Variants in PTPRD observed in about 807,000 individuals in gnomAD.
PTPRD encodes the protein protein tyrosine phosphatase receptor type D.
In PTPRD, 34 loss-of-function variants were observed where a neutral mutation model predicts 214.5. That is an observed-to-expected ratio of 0.16 (90% CI 0.12 to 0.21). PTPRD has a LOEUF of 0.21. Among genes scored for constraint, PTPRD ranks in the 10% least tolerant of loss-of-function variants. The probability of loss-of-function intolerance (pLI) is 1.00; values close to 1 mark genes in which losing one functional copy is unlikely to be tolerated. For synonymous variants in PTPRD, 1,128 were observed against 845.7 expected (o/e 1.33, Z -5.79); for missense variants, 2,545 against 2,398.7 (o/e 1.06, Z -1.27).
chr9:9,815,322 G>C (rs77036797), intron 5 of PTPRD, among the ~76,000 whole-genome samples: 3,092 of 151,926 alleles, frequency 0.02, 46 homozygotes, highest in Non-Finnish European at 0.032. Context: ...CACAGACAAA[G>C]GAATGAAACT....
chr9:10,261,351 A>G (rs1338571542), intron 3 of PTPRD, among the ~76,000 whole-genome samples: 1 of 152,046 alleles, frequency 6.6e-6, no homozygotes, highest in African/African-American at 2.4e-5. Flanking sequence ...TAATATCTCA[A>G]TGACTGGCAT....
intron 5 of PTPRD, among the ~76,000 whole-genome samples, chr9:9,914,764 T>C (rs2080220777): frequency 6.6e-6 from 1 of 152,172 alleles, no homozygotes; most frequent in Non-Finnish European, 1.5e-5. Flanking sequence ...CTGAGCCTGC[T>C]TGTGCTCATA....
chr9:8,535,090 A>G (rs1026897623), intron 14 of PTPRD, among the ~76,000 whole-genome samples: 9 of 151,864 alleles, frequency 5.9e-5, no homozygotes, highest in Middle Eastern at 3.2e-3. Flanking sequence ...AATAGTACCA[A>G]GCACATACAC....
intron 9 of PTPRD, among the ~76,000 whole-genome samples, chr9:9,364,561 G>A (rs1569567740): frequency 6.6e-6 from 1 of 151,418 alleles, no homozygotes; most frequent in Non-Finnish European, 1.5e-5. Context: ...TATGCAGAAA[G>A]AAAAGTCCTA....
intron 10 of PTPRD, among the ~76,000 whole-genome samples, chr9:9,142,888 G>T (rs2099862664): frequency 6.6e-6 from 1 of 152,194 alleles, no homozygotes; most frequent in South Asian, 2.1e-4. Flanking sequence ...TGGGCTTCCT[G>T]GTCTTCTGGC....
At chr9:9,546,433 T>C (rs1225252621) in intron 8 of PTPRD, among the ~76,000 whole-genome samples, 1 of 151,814 alleles carries the variant, frequency 6.6e-6, no homozygotes, top group Non-Finnish European at 1.5e-5. Flanking sequence ...TTTATCTTCT[T>C]TATTCATGTT....
intron 3 of PTPRD, among the ~76,000 whole-genome samples, chr9:10,283,065 C>T (rs1014653173): frequency 1.3e-5 from 2 of 151,986 alleles, no homozygotes; most frequent in Non-Finnish European, 2.9e-5. Context: ...CTATTATTCT[C>T]CAGCTTGAAA....
intron 5 of PTPRD, among the ~76,000 whole-genome samples, chr9:9,802,653 T>TA (rs148526801): frequency 0.079 from 11,994 of 151,348 alleles, 703 homozygotes; most frequent in African/African-American, 0.17. Context: ...CGTTTTTTTT[T>TA]AAAAAAAATT....
At chr9:9,356,207 C>G (rs1445397278) in intron 9 of PTPRD, among the ~76,000 whole-genome samples, 2 of 150,672 alleles carry the variant, frequency 1.3e-5, no homozygotes, top group African/African-American at 2.4e-5. Context: ...GAAATGGGGA[C>G]AAGACAATTT....
rs188954829 is a variant in PTPRD at position 9,316,895 on chromosome 9, T to C, written c.-203+80554A>G. On this transcript the variant is annotated intron_variant, in intron 9 of 45. Transcript: ENST00000381196. ...AACTCTTGTCTCTTCACTGAGAATA[T>C]TGAGATCATCAGGAACAAACTCTCT... 1.5e-3 allele frequency among the ~76,000 whole-genome samples: 231 copies of C among 152,254 alleles called. 1 individual carries two copies. The highest frequency in any genetic ancestry group is 8.2e-4 in the Non-Finnish European group (56 of 67,996).
chr9:9,960,237 A>T (rs1643286662), intron 4 of PTPRD, among the ~76,000 whole-genome samples: 1 of 150,856 alleles, frequency 6.6e-6, no homozygotes, highest in Admixed American at 6.6e-5. Context: ...AAAAAAAAAA[A>T]TAGTGTGTCA....
At chr9:9,745,873 G>C (rs541778618) in intron 6 of PTPRD, among the ~76,000 whole-genome samples, 2 of 152,172 alleles carry the variant, frequency 1.3e-5, no homozygotes, top group East Asian at 3.9e-4. Context: ...GTTGTCTCTA[G>C]AACAAGAGAA....
intron 9 of PTPRD, among the ~76,000 whole-genome samples, chr9:9,232,821 C>G (rs1429986482): frequency 6.6e-6 from 1 of 152,092 alleles, no homozygotes; most frequent in African/African-American, 2.4e-5. Context: ...TCCCTCTGAC[C>G]TTCTGACATT....
intron 3 of PTPRD, among the ~76,000 whole-genome samples, chr9:10,087,474 T>C (rs2098363267): frequency 6.6e-6 from 1 of 151,734 alleles, no homozygotes; most frequent in Admixed American, 6.6e-5. Flanking sequence ...CTTCAGAGTG[T>C]AGTTTATCCA....
At chr9:9,789,914 A>G (rs1315576325) in intron 5 of PTPRD, among the ~76,000 whole-genome samples, 2 of 151,802 alleles carry the variant, frequency 1.3e-5, no homozygotes, top group Non-Finnish European at 2.9e-5. Flanking sequence ...AATTCTCTGG[A>G]TGAACTTCAA....
At chr9:10,405,393 A>G (rs2098337378) in intron 2 of PTPRD, among the ~76,000 whole-genome samples, 1 of 151,842 alleles carries the variant, frequency 6.6e-6, no homozygotes, top group Non-Finnish European at 1.5e-5. Flanking sequence ...CAAGAAAAGT[A>G]AACTTTCTGG....
chr9:9,359,510 G>C (rs958922029), intron 9 of PTPRD, among the ~76,000 whole-genome samples: 2 of 151,096 alleles, frequency 1.3e-5, no homozygotes, highest in African/African-American at 2.4e-5. Context: ...AATTGACAAA[G>C]ACTTACCTAA....
At chr9:9,434,483 A>G (rs1462444249) in intron 8 of PTPRD, among the ~76,000 whole-genome samples, 1 of 152,214 alleles carries the variant, frequency 6.6e-6, no homozygotes, top group East Asian at 1.9e-4. Flanking sequence ...CAATATGCCA[A>G]TGACAATACC....
At chr9:9,275,763 T>C (rs1258037292) in intron 9 of PTPRD, among the ~76,000 whole-genome samples, 1 of 151,234 alleles carries the variant, frequency 6.6e-6, no homozygotes, top group African/African-American at 2.4e-5. Flanking sequence ...CAGGCACTCA[T>C]TACTCACCTC....
Sources: gnomAD v4.1 joint callset for allele counts (sites outside exome capture counted in the v4.1 genomes callset) on GRCh38, gnomAD v4.1.1 for gene constraint, MANE v1.5 for transcripts, NCBI Gene and HGNC (gene_info 2026-07-23, HGNC 2026-07-21) for gene names.